Variants in IGF2BP2 observed in about 807,000 individuals in gnomAD.
The protein encoded by IGF2BP2 is insulin-like growth factor 2 mRNA-binding protein 2.
In IGF2BP2, 17 loss-of-function variants were observed where a neutral mutation model predicts 75.8. The observed-to-expected ratio is 0.22, with a 90% CI of 0.15 to 0.34. The LOEUF (loss-of-function observed/expected upper bound fraction) is 0.34. IGF2BP2 is among the 10% of genes least tolerant of loss of function. The probability of loss-of-function intolerance (pLI) is 1.00; values close to 1 mark genes in which losing one functional copy is unlikely to be tolerated. For synonymous variants in IGF2BP2, 288 were observed against 295.6 expected, an observed-to-expected ratio of 0.97 and a Z score of 0.26; for missense variants, 516 against 772.4, an observed-to-expected ratio of 0.67 and a Z score of 3.93.
At chr3:185,756,820 C>T (rs190661783) in intron 2 of IGF2BP2, among the ~76,000 whole-genome samples, 1 of 152,188 alleles carries the variant, frequency 6.6e-6, no homozygotes, top group East Asian at 1.9e-4. Context: ...AAAATTAAAA[C>T]AAAAATTAGC....
At chr3:185,798,789 TTTTTTC>T (rs1737784952) in intron 2 of IGF2BP2, among the ~76,000 whole-genome samples, 2 of 126,852 alleles carry the variant, frequency 1.6e-5, no homozygotes, top group Non-Finnish European at 3.3e-5. Context: ...TCTTTTTTCT[TTTTTTC>T]TTTTTTTTTT....
intron 3 of IGF2BP2, among the ~76,000 whole-genome samples, 195 bp from the exon 4 acceptor site, chr3:185,696,858 T>C (rs945278284): frequency 2.0e-5 from 3 of 152,236 alleles, no homozygotes; most frequent in African/African-American, 4.8e-5. Flanking sequence ...CATTGGCTTA[T>C]TGGCTCCCAA....
intron 12 of IGF2BP2, 22 bp downstream of exon 12, chr3:185,657,264 G>C: frequency 1.9e-6 from 3 of 1,559,600 alleles, no homozygotes; most frequent in Non-Finnish European, 2.6e-6. Context: ...AAGGGCCACA[G>C]GGCCGTCAGG....
At chr3:185,703,637 G>A (rs995533147) in intron 2 of IGF2BP2, among the ~76,000 whole-genome samples, 5 of 152,104 alleles carry the variant, frequency 3.3e-5, no homozygotes, top group Admixed American at 3.3e-4. Context: ...GGGCATGGTG[G>A]ATGGTGTGCA....
chr3:185,811,652 T>C (rs1739842216), intron 2 of IGF2BP2, among the ~76,000 whole-genome samples: 1 of 152,144 alleles, frequency 6.6e-6, no homozygotes, highest in Non-Finnish European at 1.5e-5. Context: ...TCCTGCACTA[T>C]CCAGAACACC....
chr3:185,711,207 A>G (rs1724747155), intron 2 of IGF2BP2, among the ~76,000 whole-genome samples: 1 of 152,238 alleles, frequency 6.6e-6, no homozygotes, highest in South Asian at 2.1e-4. Context: ...ATTTATAACC[A>G]ATTTTGGGAG....
At chr3:185,697,099 T>C (rs1033741760) in intron 3 of IGF2BP2, among the ~76,000 whole-genome samples, 1 of 148,338 alleles carries the variant, frequency 6.7e-6, no homozygotes, top group Non-Finnish European at 1.5e-5. Context: ...TCAGGTTTTT[T>C]GTTTTGTTTT....
At chr3:185,673,241 T>G (rs1718801942) in intron 9 of IGF2BP2, among the ~76,000 whole-genome samples, 1 of 152,230 alleles carries the variant, frequency 6.6e-6, no homozygotes, top group East Asian at 1.9e-4. Flanking sequence ...CCTTTCAGAC[T>G]AGAATTTCCT....
chr3:185,650,466 C>T (rs1714405843), intron 13 of IGF2BP2, among the ~76,000 whole-genome samples: 1 of 152,032 alleles, frequency 6.6e-6, no homozygotes, highest in South Asian at 2.1e-4. Flanking sequence ...TGTTTGAGGC[C>T]AGGAGTTCAA....
intron 2 of IGF2BP2, among the ~76,000 whole-genome samples, chr3:185,742,439 T>C (rs1230981629): frequency 6.6e-6 from 1 of 152,064 alleles, no homozygotes; most frequent in Non-Finnish European, 1.5e-5. Flanking sequence ...GAGGTTGCAG[T>C]GAGCCGAGAT....
chr3:185,776,952 A>G (rs768659942), intron 2 of IGF2BP2, among the ~76,000 whole-genome samples: 5 of 152,244 alleles, frequency 3.3e-5, no homozygotes, highest in Non-Finnish European at 7.3e-5. Context: ...AAAATAGGAA[A>G]TTAGATTAGG....
intron 2 of IGF2BP2, among the ~76,000 whole-genome samples, chr3:185,745,728 G>A (rs1037029940): frequency 1.3e-5 from 2 of 152,202 alleles, no homozygotes; most frequent in Non-Finnish European, 2.9e-5. Context: ...TGCAATGAGC[G>A]CCTGCAGTAG....
chr3:185,764,613 C>T (rs1328301776), intron 2 of IGF2BP2, among the ~76,000 whole-genome samples: 1 of 152,110 alleles, frequency 6.6e-6, no homozygotes, highest in East Asian at 1.9e-4. Context: ...TTCACAGGAC[C>T]GCAGAGAGCT....
At chr3:185,648,500 A>G (rs1354747258) in intron 14 of IGF2BP2, among the ~76,000 whole-genome samples, 2 of 152,006 alleles carry the variant, frequency 1.3e-5, no homozygotes, top group East Asian at 3.9e-4. Context: ...AAAACAGCAA[A>G]TAACACACAT....
chr3:185,750,010 T>C (rs950971861), intron 2 of IGF2BP2, among the ~76,000 whole-genome samples: 2 of 152,206 alleles, frequency 1.3e-5, no homozygotes, highest in Non-Finnish European at 2.9e-5. Context: ...CTAGCTCAGT[T>C]GTTTTGAACT....
intron 2 of IGF2BP2, among the ~76,000 whole-genome samples, chr3:185,741,325 C>G (rs1034524782): frequency 1.3e-5 from 2 of 152,162 alleles, no homozygotes; most frequent in Non-Finnish European, 2.9e-5. Context: ...CCAACAGAAC[C>G]ATATGCAGAA....
In IGF2BP2 at chr3:185,740,185, A is replaced by C. The variant is rs141177871; in HGVS notation, c.240-41838T>G. On this transcript the variant is annotated intron_variant, in intron 2 of 15. Coordinates refer to ENST00000382199, the MANE Select transcript of IGF2BP2 (RefSeq NM_006548.6). ...TCTCAATTGTTGAAAAGCAAAGGGGATCTTTACACAAAACCATGTATGTCC... is the reference window on the plus strand; with the variant it reads ...TCTCAATTGTTGAAAAGCAAAGGGGCTCTTTACACAAAACCATGTATGTCC... Among the ~76,000 whole-genome samples, 17 of 152,252 alleles carry C rather than the reference A, an allele frequency of 1.1e-4. No individual in the cohort carries two copies. The East Asian group carries it at 2.1e-3, about 19-fold the overall frequency.
intron 10 of IGF2BP2, among the ~76,000 whole-genome samples, chr3:185,665,251 GAGA>G (rs1266637490): frequency 1.5e-5 from 2 of 136,798 alleles, no homozygotes; most frequent in Admixed American, 7.4e-5. Flanking sequence ...GGAGAAGAAG[GAGA>G]AGGAGGAGGA....
chr3:185,772,569 TTC>T (rs1181483834), intron 2 of IGF2BP2, among the ~76,000 whole-genome samples: 3 of 149,606 alleles, frequency 2.0e-5, no homozygotes, highest in African/African-American at 7.4e-5. Context: ...TTTTCTTCCC[TTC>T]TCTCTCTTTT....
Sources: gnomAD v4.1 joint callset for allele counts (sites outside exome capture counted in the v4.1 genomes callset) on GRCh38, gnomAD v4.1.1 for gene constraint, MANE v1.5 for transcripts, NCBI Gene and HGNC (gene_info 2026-07-23, HGNC 2026-07-21) for gene names.